SH3GL2: variants seen among roughly 807,000 people sequenced by gnomAD.
SH3GL2 encodes the protein SH3 domain containing GRB2 like 2, endophilin A1.
A neutral mutation model predicts 46.0 loss-of-function variants in SH3GL2; 24 were observed. That is an observed-to-expected ratio of 0.52 (90% confidence interval 0.38 to 0.73). The LOEUF (loss-of-function observed/expected upper bound fraction) is 0.73. Among genes scored for constraint, SH3GL2 ranks in the 30% least tolerant of loss-of-function variants. The pLI is 0.00. For missense variants in SH3GL2, 413 were observed against 424.2 expected, an observed-to-expected ratio of 0.97 and a Z score of 0.23; for synonymous variants, 196 against 147.1, an observed-to-expected ratio of 1.33 and a Z score of -2.40.
At chr9:17,601,454 T>C (rs767018469) in intron 1 of SH3GL2, among the ~76,000 whole-genome samples, 2 of 152,180 alleles carry the variant, frequency 1.3e-5, no homozygotes, top group African/African-American at 4.8e-5. Flanking sequence ...ATTAACTGTG[T>C]GTTTGTGCGT....
chr9:17,728,525 G>A (rs533830467), intron 1 of SH3GL2, among the ~76,000 whole-genome samples: 1 of 151,888 alleles, frequency 6.6e-6, no homozygotes, highest in East Asian at 1.9e-4. Context: ...TGTGCAGAAC[G>A]TGCAGGTTTG....
At chr9:17,663,323 G>A (rs1209391673) in intron 1 of SH3GL2, among the ~76,000 whole-genome samples, 1 of 151,970 alleles carries the variant, frequency 6.6e-6, no homozygotes, top group Non-Finnish European at 1.5e-5. Flanking sequence ...CAGTTTTTTT[G>A]TATTAGATTT....
At chr9:17,636,975 T>C (rs1819557445) in intron 1 of SH3GL2, among the ~76,000 whole-genome samples, 3 of 152,228 alleles carry the variant, frequency 2.0e-5, no homozygotes. Flanking sequence ...TTTCTTACAA[T>C]TTGCTTGTAG....
intron 1 of SH3GL2, among the ~76,000 whole-genome samples, chr9:17,643,771 C>T (rs1345013075): frequency 6.6e-6 from 1 of 152,144 alleles, no homozygotes; most frequent in Non-Finnish European, 1.5e-5. Flanking sequence ...TGGTGTTCAT[C>T]AGGGATGTTG....
intron 1 of SH3GL2, among the ~76,000 whole-genome samples, chr9:17,663,223 C>A (rs1461044812): frequency 6.6e-6 from 1 of 151,958 alleles, no homozygotes; most frequent in African/African-American, 2.4e-5. Context: ...GGAAAAATAC[C>A]CCAGCTGAGA....
chr9:17,633,773 G>T (rs933564354), intron 1 of SH3GL2, among the ~76,000 whole-genome samples: 3 of 152,164 alleles, frequency 2.0e-5, no homozygotes, highest in African/African-American at 7.2e-5. Context: ...TGAACACTAT[G>T]CCCATTTTGC....
intron 1 of SH3GL2, among the ~76,000 whole-genome samples, chr9:17,657,121 A>T (rs1820103645): frequency 6.6e-6 from 1 of 152,210 alleles, no homozygotes; most frequent in Admixed American, 6.5e-5. Flanking sequence ...AAGTAGTCTG[A>T]AAAGCTCATA....
intron 1 of SH3GL2, among the ~76,000 whole-genome samples, chr9:17,709,754 T>A (rs904833765): frequency 6.6e-6 from 1 of 151,736 alleles, no homozygotes; most frequent in Non-Finnish European, 1.5e-5. Context: ...CTTTGCTTAT[T>A]TTAGAATATG....
chr9:17,680,615 G>T (rs1352056367), intron 1 of SH3GL2, among the ~76,000 whole-genome samples: 2 of 151,848 alleles, frequency 1.3e-5, no homozygotes, highest in Non-Finnish European at 2.9e-5. Flanking sequence ...AGGGTTTTTT[G>T]TGTCTCTATC....
intron 1 of SH3GL2, among the ~76,000 whole-genome samples, chr9:17,598,533 G>A (rs1040990219): frequency 6.6e-6 from 1 of 152,142 alleles, no homozygotes; most frequent in South Asian, 2.1e-4. Context: ...GCGGGCCAAG[G>A]GGTTTGAGCC....
intron 1 of SH3GL2, among the ~76,000 whole-genome samples, chr9:17,743,600 A>C (rs112315767): frequency 2.7e-4 from 40 of 146,274 alleles, no homozygotes; most frequent in Admixed American, 6.2e-4. Flanking sequence ...ACACACACAC[A>C]CCCCAAATAG....
chr9:17,678,735 G>T (rs1388144788), intron 1 of SH3GL2, among the ~76,000 whole-genome samples: 1 of 152,064 alleles, frequency 6.6e-6, no homozygotes, highest in East Asian at 1.9e-4. Context: ...GTAAAGCCTG[G>T]GTTTTCTTCT....
At chr9:17,661,143 C>G (rs549905677) in intron 1 of SH3GL2, among the ~76,000 whole-genome samples, 1 of 152,146 alleles carries the variant, frequency 6.6e-6, no homozygotes, top group Non-Finnish European at 1.5e-5. Flanking sequence ...GTCTGGGCAA[C>G]AGAGTAAGAC....
intron 1 of SH3GL2, among the ~76,000 whole-genome samples, chr9:17,617,173 T>C (rs1369010734): frequency 6.6e-6 from 1 of 152,248 alleles, no homozygotes; most frequent in Non-Finnish European, 1.5e-5. Context: ...TAGTATTCTG[T>C]TGTATTATTA....
intron 1 of SH3GL2, among the ~76,000 whole-genome samples, chr9:17,616,279 T>C (rs2134591244): frequency 6.6e-6 from 1 of 152,386 alleles, no homozygotes; most frequent in African/African-American, 2.4e-5. Flanking sequence ...TGATGACTTT[T>C]GTGATACACA....
chr9:17,766,853 G>C lies in SH3GL2; in HGVS notation c.187+5344G>C, dbSNP rs192661622. Among the ~76,000 whole-genome samples, 485 of 151,836 alleles carry C rather than the reference G, an allele frequency of 3.2e-3. 2 individuals carry two copies. The highest frequency in any genetic ancestry group is 0.012 in the African/African-American group (479 of 41,402). On this transcript the variant is annotated intron_variant, in intron 3 of 8. Transcript: ENST00000380607. ...ATATATGTTTCATGTTTACCTCCTT[G>C]GTTTTATGTTTTATCAGTGGGTTTT... is the stretch of plus-strand genomic sequence containing the variant.
chr9:17,660,955 A>G (rs1820197358), intron 1 of SH3GL2, among the ~76,000 whole-genome samples: 1 of 152,156 alleles, frequency 6.6e-6, no homozygotes. Context: ...TGAGGCCAGG[A>G]GTTCGAGACC....
At chr9:17,768,302 C>T (rs756420024) in intron 3 of SH3GL2, among the ~76,000 whole-genome samples, 2 of 135,210 alleles carry the variant, frequency 1.5e-5, no homozygotes, top group East Asian at 2.4e-4. Context: ...ACCTGGGAGG[C>T]GGAGCTTGCA....
At chr9:17,669,629 G>A (rs1820424090) in intron 1 of SH3GL2, among the ~76,000 whole-genome samples, 1 of 152,162 alleles carries the variant, frequency 6.6e-6, no homozygotes, top group African/African-American at 2.4e-5. Context: ...TGTATGGTAT[G>A]GATGGACCAG....
Sources: allele counts gnomAD v4.1 joint callset (sites outside exome capture counted in the v4.1 genomes callset), GRCh38; gene constraint gnomAD v4.1.1; transcripts MANE v1.5; gene names NCBI Gene and HGNC (gene_info 2026-07-23, HGNC 2026-07-21).